The following NBAS variants were observed in gnomAD, a reference collection of about 807,000 sequenced individuals.
NBAS encodes the protein NAG/BC035112 fusion.
Under a neutral mutation model 302.5 loss-of-function variants are expected in NBAS, and 219 were observed. That is an observed-to-expected ratio of 0.72 (90% CI 0.65 to 0.81). NBAS has a LOEUF of 0.81. Ranked by LOEUF, NBAS falls within the 30% of genes least tolerant of loss-of-function variation. The pLI is 0.00. For synonymous variants in NBAS, 1,118 were observed against 1,021.6 expected (o/e 1.09, Z -1.80); for missense variants, 2,932 against 2,841.6 (o/e 1.03, Z -0.72).
chr2:15,234,107 A>T (rs1427953342), intron 46 of NBAS, among the ~76,000 whole-genome samples: 1 of 152,228 alleles, frequency 6.6e-6, no homozygotes, highest in Non-Finnish European at 1.5e-5. Flanking sequence ...ACAGATGTCT[A>T]ACTTCATCAG....
chr2:15,091,365 C>T, the NBAS span, among the ~76,000 whole-genome samples: 1 of 152,160 alleles, frequency 6.6e-6, no homozygotes, highest in African/African-American at 2.4e-5. Context: ...AGTAACCCCT[C>T]CTCTTTTTCC....
At chr2:15,533,178 A>T (rs1404310011) in intron 9 of NBAS, among the ~76,000 whole-genome samples, 1 of 152,210 alleles carries the variant, frequency 6.6e-6, no homozygotes, top group African/African-American at 2.4e-5. Context: ...TTGGGACTGT[A>T]AACTGGCACA....
intron 31 of NBAS, among the ~76,000 whole-genome samples, chr2:15,370,086 C>T (rs548710504): frequency 6.6e-6 from 1 of 152,320 alleles, no homozygotes; most frequent in Admixed American, 6.5e-5. Flanking sequence ...GAGTTTCCTT[C>T]TTGAAGAATC....
rs138114185 is a variant in NBAS, at chr2:15,246,213, C to A, written c.5725-7527G>T. Among the ~76,000 whole-genome samples, 53 of 152,306 alleles carry A rather than the reference C, an allele frequency of 3.5e-4. No homozygotes were observed. In the East Asian group the frequency reaches 9.8e-3, roughly 28 times the overall value. ...TATAGTTATCTGAGAAAAACATAATCACCCTTTCTTAGGCCTTTGCCTGTG... is the reference window on the plus strand; with the variant it reads ...TATAGTTATCTGAGAAAAACATAATAACCCTTTCTTAGGCCTTTGCCTGTG... On this transcript the variant is annotated intron_variant, in intron 44 of 51. Transcript: ENST00000281513.
Position 15,539,218 on chromosome 2 carries a change from C to G in NBAS, c.513+5G>C. ...CTATGTTTTCAATTTAAGCTATGTA[C>G]ATACCGGGGAAATGACAAAGAGTTC... On this transcript the variant is annotated splice_donor_5th_base_variant and intron_variant, in intron 7 of 51. Coordinates refer to ENST00000281513, the MANE Select transcript of NBAS (RefSeq NM_015909.4). The G allele has an allele frequency of 6.2e-7, 1 of 1,614,184 alleles. No homozygotes were observed. The highest frequency in any genetic ancestry group is 8.5e-7 in the Non-Finnish European group (1 of 1,180,014).
the NBAS span, among the ~76,000 whole-genome samples, chr2:15,023,220 G>A: frequency 8.5e-5 from 13 of 152,102 alleles, no homozygotes; most frequent in African/African-American, 3.1e-4. Context: ...TTAGTGGTAA[G>A]ACCAATCAAC....
the NBAS span, among the ~76,000 whole-genome samples, chr2:15,033,984 G>GGAAGAGGAAGAAGAAGAAGAA: frequency 3.6e-5 from 2 of 56,292 alleles, no homozygotes; most frequent in African/African-American, 1.7e-4. Context: ...AAGAGGAAGA[G>GGAAGAGGAAGAAGAAGAAGAA]GAAGAAGAAG....
At chr2:15,228,763 G>A (rs1463853286) in intron 47 of NBAS, among the ~76,000 whole-genome samples, 1 of 152,182 alleles carries the variant, frequency 6.6e-6, no homozygotes, top group Non-Finnish European at 1.5e-5. Flanking sequence ...CTCATATGTG[G>A]AATCTAAAAG....
At chr2:15,481,706 T>C (rs868801807) in intron 12 of NBAS, among the ~76,000 whole-genome samples, 35 of 152,290 alleles carry the variant, frequency 2.3e-4, no homozygotes, top group African/African-American at 8.4e-4. Context: ...TATAACAGCA[T>C]TGCATGTTGA....
chr2:14,845,630 G>C, the NBAS span, among the ~76,000 whole-genome samples: 1 of 152,142 alleles, frequency 6.6e-6, no homozygotes, highest in Non-Finnish European at 1.5e-5. Context: ...TAAAATAGCT[G>C]TGTTAAGAAA....
chr2:15,289,259 T>C (rs1269399547), intron 41 of NBAS, among the ~76,000 whole-genome samples: 1 of 151,850 alleles, frequency 6.6e-6, no homozygotes, highest in Non-Finnish European at 1.5e-5. Context: ...TAGTTTTTTG[T>C]TTGTTTTTGT....
chr2:15,449,993 C>T (rs1678933155), intron 21 of NBAS, among the ~76,000 whole-genome samples: 2 of 152,130 alleles, frequency 1.3e-5, no homozygotes, highest in Admixed American at 6.5e-5. Context: ...TTTTATGTTT[C>T]CCTGGAGAAT....
intron 21 of NBAS, among the ~76,000 whole-genome samples, chr2:15,439,746 T>C (rs182281163): frequency 7.9e-5 from 12 of 152,298 alleles, no homozygotes; most frequent in Non-Finnish European, 1.5e-5. Flanking sequence ...GAGTTCCCTT[T>C]CCTAGTCAAA....
At chr2:15,234,834 G>C in intron 45 of NBAS, 87 bp from the exon 46 acceptor site, 1 of 1,344,932 alleles carries the variant, frequency 7.4e-7, no homozygotes, top group Non-Finnish European at 1.1e-6. Context: ...TTAGATCCTC[G>C]AACCAAATAC....
At chr2:15,141,395 C>T in the NBAS span, among the ~76,000 whole-genome samples, 5 of 152,296 alleles carry the variant, frequency 3.3e-5, no homozygotes, top group Non-Finnish European at 4.4e-5. Context: ...GTTTTACAGA[C>T]GACAACAGTG....
At chr2:14,969,361 T>C in the NBAS span, among the ~76,000 whole-genome samples, 1 of 151,862 alleles carries the variant, frequency 6.6e-6, no homozygotes, top group East Asian at 1.9e-4. Flanking sequence ...ATGAAAATAA[T>C]ATCTCAAAGT....
At chr2:15,294,386 C>T (rs1480668151) in intron 40 of NBAS, among the ~76,000 whole-genome samples, 1 of 152,212 alleles carries the variant, frequency 6.6e-6, no homozygotes, top group African/African-American at 2.4e-5. Flanking sequence ...CCAAATCTAA[C>T]TGCAATTAGA....
intron 35 of NBAS, among the ~76,000 whole-genome samples, chr2:15,341,367 C>A (rs979027286): frequency 1.3e-5 from 2 of 151,348 alleles, no homozygotes; most frequent in Non-Finnish European, 2.9e-5. Flanking sequence ...GCCTGGGCAA[C>A]AGAGCGAGAC....
At chr2:15,274,091 AT>A (rs1235833011) in intron 44 of NBAS, among the ~76,000 whole-genome samples, 9 of 152,268 alleles carry the variant, frequency 5.9e-5, no homozygotes, top group Non-Finnish European at 7.4e-5. Context: ...AAAAAAAAAA[AT>A]CATCCTTATT....
Sources: gnomAD v4.1 joint callset for allele counts (sites outside exome capture counted in the v4.1 genomes callset) on GRCh38, gnomAD v4.1.1 for gene constraint, MANE v1.5 for transcripts, NCBI Gene and HGNC (gene_info 2026-07-23, HGNC 2026-07-21) for gene names.